The following TESMIN variants were observed in gnomAD, a reference collection of about 807,000 sequenced individuals.
TESMIN encodes testis expressed metallothionein like protein, also known as CXC domain containing 2.
A neutral mutation model predicts 47.4 loss-of-function variants in TESMIN; 34 were observed. That is an observed-to-expected ratio of 0.72 (90% CI 0.55 to 0.96). The LOEUF is 0.96. TESMIN is among the 40% of genes least tolerant of loss of function. The pLI is 0.00. For synonymous variants in TESMIN, 278 were observed against 258.9 expected (o/e 1.07, Z -0.71); for missense variants, 610 against 637.2 (o/e 0.96, Z 0.46).
chr11:68,721,676 T>C (rs888255500), intron 6 of TESMIN, among the ~76,000 whole-genome samples: 4 of 152,198 alleles, frequency 2.6e-5, no homozygotes, highest in Non-Finnish European at 4.4e-5. Flanking sequence ...TGGAAAAGTC[T>C]CTGGAATCTG....
chr11:68,738,489 G>A lies in TESMIN; in HGVS notation c.917+211C>T, dbSNP rs971130940. 9 of 1,366,264 alleles carry A rather than the reference G, an allele frequency of 6.6e-6. No homozygotes were observed. The African/African-American group carries it at 1.0e-4, about 16-fold the overall frequency. The allele number at this position is 1,366,264 out of a possible 1,614,324, so 84.6% of individuals were successfully genotyped here. ...GGACAGGGACAGATGCAGGTTATGG[G>A]CCAGACTTTCCAGCAGCCTTTGCAG... On this transcript the variant is annotated intron_variant, in intron 6 of 9. Transcript: ENST00000255087.
At chr11:68,710,289 T>C (rs1007735791) in intron 9 of TESMIN, among the ~76,000 whole-genome samples, 4 of 152,224 alleles carry the variant, frequency 2.6e-5, no homozygotes, top group African/African-American at 7.2e-5. Flanking sequence ...GACCATTACA[T>C]TGAACTCGAA....
chr11:68,736,875 T>C (rs1393105071), intron 6 of TESMIN: 3 of 984,162 alleles, frequency 3.0e-6, no homozygotes, highest in Admixed American at 6.2e-5. Flanking sequence ...AAAGGAGAAA[T>C]AGCTGCCCTG....
intron 6 of TESMIN, among the ~76,000 whole-genome samples, chr11:68,731,461 G>A (rs1946326543): frequency 1.3e-5 from 2 of 151,500 alleles, no homozygotes; most frequent in African/African-American, 2.4e-5. Flanking sequence ...AAAAAATACT[G>A]TCATGTGTTT....
In TESMIN at chr11:68,729,787, A is replaced by G. The variant is rs115281409; in HGVS notation, c.917+8913T>C. Among the ~76,000 whole-genome samples the G allele has an allele frequency of 3.4e-3, 521 of 152,320 alleles. 4 individuals carry two copies. Among genetic ancestry groups the G allele is most frequent in the African/African-American group, 0.012 (489 of 41,556 alleles). ...TGCTTTGAACACTGCTGAAATGACA[A>G]TACAGGATCTAGAATATTCCATAAA... On this transcript the variant is annotated intron_variant, in intron 6 of 9. Coordinates refer to ENST00000255087, the MANE Select transcript of TESMIN (RefSeq NM_004923.3).
intron 5 of TESMIN, 154 bp from the exon 6 acceptor site, chr11:68,738,942 T>A (rs1203549323): frequency 7.9e-6 from 5 of 636,840 alleles, no homozygotes; most frequent in African/African-American, 3.7e-5. Context: ...CCACAAGGAA[T>A]CCACTGACAT....
intron 8 of TESMIN, among the ~76,000 whole-genome samples, 157 bp from the exon 9 acceptor site, chr11:68,711,206 G>T (rs1179142511): frequency 6.6e-6 from 1 of 151,700 alleles, no homozygotes; most frequent in African/African-American, 2.4e-5. Flanking sequence ...GTGTGGGTGA[G>T]AGCGTGTGTT....
chr11:68,710,270 T>C (rs997130198), intron 9 of TESMIN, among the ~76,000 whole-genome samples: 2 of 152,242 alleles, frequency 1.3e-5, no homozygotes, highest in African/African-American at 4.8e-5. Flanking sequence ...TGGTAGTTTA[T>C]CATGATATGA....
In TESMIN at chr11:68,710,855, G is replaced by T. The variant is rs747623240; in HGVS notation, c.1334+19C>A. 2.5e-6 allele frequency: 4 copies of T among 1,595,582 alleles called. No individual in the cohort carries two copies. The highest frequency in any genetic ancestry group is 2.6e-6 in the Non-Finnish European group (3 of 1,171,170). On this transcript the variant is annotated intron_variant, in intron 9 of 9. Transcript: ENST00000255087. ...ACCTCTGTTCCCTCTATTAGCAGAG[G>T]TTAGTTCAAAGTACCTACCTATCGT...
intron 6 of TESMIN, among the ~76,000 whole-genome samples, chr11:68,726,314 C>T (rs1010350203): frequency 1.3e-5 from 2 of 150,258 alleles, no homozygotes; most frequent in African/African-American, 4.9e-5. Flanking sequence ...ACTGTGCAGC[C>T]TAATAAAAAA....
chr11:68,710,342 C>G (rs771644203), intron 9 of TESMIN, among the ~76,000 whole-genome samples: 4 of 152,100 alleles, frequency 2.6e-5, no homozygotes, highest in African/African-American at 4.8e-5. Flanking sequence ...GATAGTAAAA[C>G]TATGACTCAA....
At chr11:68,724,590 C>T (rs1055767755) in intron 6 of TESMIN, among the ~76,000 whole-genome samples, 10 of 152,022 alleles carry the variant, frequency 6.6e-5, no homozygotes, top group African/African-American at 1.2e-4. Flanking sequence ...ATGACAATGC[C>T]GGTCTTGCCA....
chr11:68,715,218 G>A (rs1281481742), intron 7 of TESMIN, among the ~76,000 whole-genome samples: 1 of 152,130 alleles, frequency 6.6e-6, no homozygotes, highest in Non-Finnish European at 1.5e-5. Context: ...TGACAGCCTT[G>A]AGCCTAACTG....
intron 6 of TESMIN, among the ~76,000 whole-genome samples, chr11:68,729,866 T>C (rs1196950334): frequency 6.6e-6 from 1 of 152,232 alleles, no homozygotes; most frequent in Non-Finnish European, 1.5e-5. Flanking sequence ...ATTTTGAAAG[T>C]TCTACTGTGG....
At chr11:68,737,973 C>T (rs1946407973) in intron 6 of TESMIN, 1 of 985,688 alleles carries the variant, frequency 1.0e-6, no homozygotes, top group Admixed American at 6.2e-5. Flanking sequence ...AAACAAACAC[C>T]TCTTGGAGGC....
chr11:68,737,395 G>A, intron 6 of TESMIN: 1 of 985,570 alleles, frequency 1.0e-6, no homozygotes, highest in Non-Finnish European at 1.2e-6. Context: ...CAGCGACCAT[G>A]AGGGCTGATA....
chr11:68,728,424 C>G (rs1165346774), intron 6 of TESMIN, among the ~76,000 whole-genome samples: 1 of 152,158 alleles, frequency 6.6e-6, no homozygotes, highest in Non-Finnish European at 1.5e-5. Flanking sequence ...CTAGCAGAGG[C>G]TGGTTCATGA....
intron 7 of TESMIN, among the ~76,000 whole-genome samples, chr11:68,715,428 G>A (rs1366006535): frequency 6.6e-6 from 1 of 152,182 alleles, no homozygotes; most frequent in Admixed American, 6.5e-5. Flanking sequence ...TGAAAATGTA[G>A]GCTGCCTGAT....
At chr11:68,738,566 G>T (rs1464000997) in intron 6 of TESMIN, 134 bp downstream of exon 6, 1 of 1,464,078 alleles carries the variant, frequency 6.8e-7, no homozygotes, top group Non-Finnish European at 9.0e-7. Context: ...ATTGCTGATG[G>T]TAAAAACATT....
Sources: allele counts gnomAD v4.1 joint callset (sites outside exome capture counted in the v4.1 genomes callset), GRCh38; gene constraint gnomAD v4.1.1; transcripts MANE v1.5; gene names NCBI Gene and HGNC (gene_info 2026-07-23, HGNC 2026-07-21).